EYS: variants seen among roughly 807,000 people sequenced by gnomAD.
EYS encodes EGF-like photoreceptor maintenance factor.
Under a neutral mutation model 282.1 loss-of-function variants are expected in EYS, and 250 were observed. That is an observed-to-expected ratio of 0.89 (90% CI 0.80 to 0.98). The LOEUF (loss-of-function observed/expected upper bound fraction) is 0.98, where lower values mean the gene tolerates loss of function less well. EYS is among the 50% of genes least tolerant of loss of function. The probability of loss-of-function intolerance (pLI) is 0.00; values close to 1 mark genes in which losing one functional copy is unlikely to be tolerated. For synonymous variants in EYS, 1,355 were observed against 1,282.9 expected (o/e 1.06, Z -1.20); for missense variants, 4,016 against 3,709.0 (o/e 1.08, Z -2.15).
At chr6:64,016,634 C>T (rs1406054506) in intron 33 of EYS, among the ~76,000 whole-genome samples, 4 of 151,976 alleles carry the variant, frequency 2.6e-5, no homozygotes, top group Non-Finnish European at 4.4e-5. Context: ...CATCACTATG[C>T]CTGGCTAATT....
chr6:64,303,005 C>T (rs1420623540), intron 30 of EYS, among the ~76,000 whole-genome samples: 1 of 152,072 alleles, frequency 6.6e-6, no homozygotes, highest in Non-Finnish European at 1.5e-5. Context: ...GAAAAGGACC[C>T]TACAGGACCC....
intron 24 of EYS, among the ~76,000 whole-genome samples, chr6:64,614,802 A>G (rs1435417654): frequency 6.6e-6 from 1 of 152,138 alleles, no homozygotes; most frequent in Non-Finnish European, 1.5e-5. Flanking sequence ...CTGTGCTAAA[A>G]GTAAAAAGCA....
Position 64,329,921 on chromosome 6 carries a change from C to T in EYS, c.6079-22839G>A, listed in dbSNP as rs1770577714. ...TATACATAAAGGATGCATTCTTCTG[C>T]ATCCAACTAGCTCCTGAAAGCATCT... On this transcript the variant is annotated intron_variant, in intron 29 of 42. Coordinates refer to ENST00000503581, the MANE Select transcript of EYS (RefSeq NM_001142800.2). Among the ~76,000 whole-genome samples the T allele has an allele frequency of 3.9e-5, 6 of 152,264 alleles. No individual in the cohort carries two copies. In the South Asian group the frequency reaches 1.2e-3, roughly 32 times the overall value.
intron 22 of EYS, among the ~76,000 whole-genome samples, chr6:64,699,187 C>T (rs1050594962): frequency 6.6e-6 from 1 of 152,042 alleles, no homozygotes; most frequent in Admixed American, 6.6e-5. Flanking sequence ...ATGGGTGGAG[C>T]TGGAGGCTTA....
rs1766682665 is a variant in EYS at position 65,405,287 on chromosome 6, CA to C, written c.942del (p.Ala315LeufsTer24). On this transcript the variant is annotated frameshift_variant, in exon 6 of 43. Transcript: ENST00000503581. LOFTEE classifies it high-confidence loss of function. The stretch of plus-strand genomic sequence containing the variant: ...CCTTTTGGGCATTCATAAGTATAAG[CA>C]GAACTGCTATTTGGGCAAATTCCTC... ...WKRGICPNSS[S>X]AYTYECPKGS... 1.2e-6 allele frequency: 2 copies of C among 1,612,686 alleles called. No homozygotes were observed. Among genetic ancestry groups the C allele is most frequent in the East Asian group, 4.5e-5 (2 of 44,762 alleles).
Position 64,180,527 on chromosome 6 carries a change from A to G in EYS, c.6424+50065T>C, listed in dbSNP as rs543891794. Among the ~76,000 whole-genome samples the G allele has an allele frequency of 1.1e-4, 16 of 152,162 alleles. No individual in the cohort carries two copies. In the East Asian group the frequency reaches 3.1e-3, roughly 29 times the overall value. On this transcript the variant is annotated intron_variant, in intron 31 of 42. Transcript: ENST00000503581. ...GGGGTATGAATGATCTCAACACCTC[A>G]GTAGTGAGCATACTACCCAATAGGA...
At chr6:64,667,775 T>C (rs1484041638) in intron 22 of EYS, among the ~76,000 whole-genome samples, 1 of 152,164 alleles carries the variant, frequency 6.6e-6, no homozygotes, top group Non-Finnish European at 1.5e-5. Context: ...CATTTTATTG[T>C]CCATCACAAA....
At chr6:64,051,459 A>G (rs1159028107) in intron 33 of EYS, among the ~76,000 whole-genome samples, 1 of 152,158 alleles carries the variant, frequency 6.6e-6, no homozygotes, top group Non-Finnish European at 1.5e-5. Flanking sequence ...TACAGGGTCT[A>G]TCAATGTAGA....
At chr6:64,798,792 T>C (rs1278076215) in intron 22 of EYS, among the ~76,000 whole-genome samples, 7 of 151,842 alleles carry the variant, frequency 4.6e-5, no homozygotes, top group African/African-American at 1.7e-4. Flanking sequence ...ATTTTTGCAT[T>C]TGAACCCACA....
chr6:64,970,979 A>G (rs1770273487), intron 14 of EYS, among the ~76,000 whole-genome samples: 1 of 152,196 alleles, frequency 6.6e-6, no homozygotes, highest in African/African-American at 2.4e-5. Flanking sequence ...CATATTTAAA[A>G]TGCAGCTTTT....
intron 33 of EYS, among the ~76,000 whole-genome samples, chr6:64,009,515 A>T (rs1289450925): frequency 2.0e-5 from 3 of 151,770 alleles, no homozygotes; most frequent in Non-Finnish European, 4.4e-5. Context: ...CAATCTCTTG[A>T]CCTCGTGATC....
chr6:64,804,031 T>C (rs1210558534), intron 22 of EYS, among the ~76,000 whole-genome samples: 1 of 152,162 alleles, frequency 6.6e-6, no homozygotes, highest in African/African-American at 2.4e-5. Context: ...TGCCTGCTCC[T>C]TGGAGTGTAA....
intron 35 of EYS, among the ~76,000 whole-genome samples, chr6:63,975,629 G>C (rs1582063748): frequency 6.6e-6 from 1 of 151,972 alleles, no homozygotes; most frequent in Non-Finnish European, 1.5e-5. Context: ...GGACAGCAGA[G>C]GGTTACAGTG....
intron 34 of EYS, among the ~76,000 whole-genome samples, chr6:63,995,560 A>G (rs1262704932): frequency 6.6e-6 from 1 of 152,048 alleles, no homozygotes; most frequent in Non-Finnish European, 1.5e-5. Context: ...GTATTTATCC[A>G]AAAGAACTGG....
intron 14 of EYS, among the ~76,000 whole-genome samples, chr6:64,996,430 T>G (rs1771266739): frequency 6.6e-6 from 1 of 152,100 alleles, no homozygotes; most frequent in Non-Finnish European, 1.5e-5. Flanking sequence ...TTCCTCACAT[T>G]CTAAGAGCAG....
chr6:64,825,588 G>A (rs1048675015), intron 19 of EYS, among the ~76,000 whole-genome samples: 3 of 151,864 alleles, frequency 2.0e-5, no homozygotes, highest in African/African-American at 7.2e-5. Context: ...AGAATCTGGG[G>A]AAACTGTTAG....
chr6:64,759,976 A>G (rs1280814855), intron 22 of EYS, among the ~76,000 whole-genome samples: 1 of 152,224 alleles, frequency 6.6e-6, no homozygotes, highest in African/African-American at 2.4e-5. Context: ...TGTTTTCAGC[A>G]CAGAAATGCA....
chr6:65,137,388 T>C (rs1393582715), intron 12 of EYS, among the ~76,000 whole-genome samples: 3 of 152,050 alleles, frequency 2.0e-5, no homozygotes, highest in Non-Finnish European at 4.4e-5. Context: ...ATGAGACCAT[T>C]TGAGGTCAGG....
chr6:64,390,874 GA>G (rs1363901157), intron 28 of EYS, among the ~76,000 whole-genome samples: 1 of 143,400 alleles, frequency 7.0e-6, no homozygotes, highest in African/African-American at 2.6e-5. Context: ...TGAAAACTTT[GA>G]AAAAAATTTA....
Sources: gnomAD v4.1 joint callset for allele counts (sites outside exome capture counted in the v4.1 genomes callset) on GRCh38, gnomAD v4.1.1 for gene constraint, MANE v1.5 for transcripts, NCBI Gene and HGNC (gene_info 2026-07-23, HGNC 2026-07-21) for gene names.